The following COMMD1 variants were observed in gnomAD, a reference collection of about 807,000 sequenced individuals.
COMMD1 encodes the protein COMM domain-containing protein 1.
A neutral mutation model predicts 17.2 loss-of-function variants in COMMD1; 10 were observed. The observed-to-expected ratio is 0.58, with a 90% CI of 0.36 to 0.99. The LOEUF (loss-of-function observed/expected upper bound fraction) is 0.99. Among genes scored for constraint, COMMD1 ranks in the 50% least tolerant of loss-of-function variants. COMMD1 has a pLI of 0.01. For synonymous variants in COMMD1, 97 were observed against 91.6 expected, an observed-to-expected ratio of 1.06 and a Z score of -0.34; for missense variants, 270 against 231.8, an observed-to-expected ratio of 1.17 and a Z score of -1.07.
chr2:62,090,896 A>C (rs1671807259), intron 2 of COMMD1: 2 of 152,242 alleles, frequency 1.3e-5, no homozygotes, highest in African/African-American at 4.8e-5. Context: ...TAATAGTCCC[A>C]ATGCCTGCCA....
chr2:61,937,820 T>C (rs994788311), intron 1 of COMMD1, among the ~76,000 whole-genome samples: 7 of 147,452 alleles, frequency 4.7e-5, no homozygotes, highest in African/African-American at 1.9e-4. Context: ...CCCAGGAGGC[T>C]TTGTCACAAG....
At chr2:62,068,620 C>CTTTTT (rs67517468) in intron 2 of COMMD1, among the ~76,000 whole-genome samples, 3 of 89,240 alleles carry the variant, frequency 3.4e-5, no homozygotes, top group East Asian at 3.2e-4. Flanking sequence ...GTAGTATAAT[C>CTTTTT]TTTTTTTTTT....
chr2:61,977,058 G>A (rs994724269), intron 1 of COMMD1, among the ~76,000 whole-genome samples: 7 of 151,200 alleles, frequency 4.6e-5, no homozygotes, highest in African/African-American at 1.5e-4. Flanking sequence ...TCCTGACCTC[G>A]TGATCTGCCC....
At chr2:62,075,538 A>G (rs1231604173) in intron 2 of COMMD1, among the ~76,000 whole-genome samples, 1 of 152,234 alleles carries the variant, frequency 6.6e-6, no homozygotes, top group Non-Finnish European at 1.5e-5. Context: ...ATCTCTGGAT[A>G]TAATCATATG....
chr2:61,935,632 A>AG (rs1428314954), intron 1 of COMMD1, among the ~76,000 whole-genome samples: 1 of 123,528 alleles, frequency 8.1e-6, no homozygotes, highest in Admixed American at 8.0e-5. Context: ...ACTCTGTTTC[A>AG]AAAAAAAAAA....
chr2:61,889,375 T>C (rs912702968), intron 1 of COMMD1, among the ~76,000 whole-genome samples: 1 of 151,826 alleles, frequency 6.6e-6, no homozygotes, highest in Non-Finnish European at 1.5e-5. Context: ...CCTAGCGAAT[T>C]TTTGTATTCG....
upstream of COMMD1, chr2:61,888,484 C>G (rs767859743): frequency 6.2e-7 from 1 of 1,611,864 alleles, no homozygotes; most frequent in Admixed American, 1.7e-5. Context: ...TCGCCCCGCT[C>G]CGGGGTGCCA....
At chr2:62,107,565 C>G (rs746497453) in intron 2 of COMMD1, among the ~76,000 whole-genome samples, 12 of 152,210 alleles carry the variant, frequency 7.9e-5, no homozygotes, top group Non-Finnish European at 1.5e-4. Flanking sequence ...GATGATGAAC[C>G]TGACAAAATG....
intron 2 of COMMD1, among the ~76,000 whole-genome samples, chr2:62,032,499 G>A (rs1044596917): frequency 4.6e-5 from 7 of 152,118 alleles, no homozygotes; most frequent in South Asian, 2.1e-4. Context: ...TCATGCCACC[G>A]CACTCCAGCA....
chr2:61,914,929 A>G (rs1670011848), intron 1 of COMMD1, among the ~76,000 whole-genome samples: 1 of 151,106 alleles, frequency 6.6e-6, no homozygotes, highest in African/African-American at 2.4e-5. Flanking sequence ...GCCTCAAGTG[A>G]TCCACCCACC....
intron 2 of COMMD1, among the ~76,000 whole-genome samples, chr2:62,103,754 C>T (rs1023924834): frequency 1.3e-5 from 2 of 152,114 alleles, no homozygotes; most frequent in Non-Finnish European, 2.9e-5. Flanking sequence ...ATACATGTTT[C>T]CTGAAATCAG....
chr2:62,102,719 G>A (rs1672221003), intron 2 of COMMD1, among the ~76,000 whole-genome samples: 1 of 152,060 alleles, frequency 6.6e-6, no homozygotes, highest in Non-Finnish European at 1.5e-5. Context: ...AAACCTAAGA[G>A]TATTACTCTA....
chr2:61,908,054 G>C (rs1669815964), intron 1 of COMMD1, among the ~76,000 whole-genome samples: 1 of 152,094 alleles, frequency 6.6e-6, no homozygotes, highest in African/African-American at 2.4e-5. Flanking sequence ...AAGTGGCTCT[G>C]TGTTGTGGAG....
intron 1 of COMMD1, among the ~76,000 whole-genome samples, chr2:61,895,133 A>G (rs1669526678): frequency 6.6e-6 from 1 of 152,370 alleles, no homozygotes; most frequent in Middle Eastern, 3.4e-3. Flanking sequence ...AGGGTAACTT[A>G]TGGAATAAGA....
intron 1 of COMMD1, among the ~76,000 whole-genome samples, chr2:61,891,628 T>C (rs1370098717): frequency 6.6e-6 from 1 of 151,648 alleles, no homozygotes; most frequent in Non-Finnish European, 1.5e-5. Flanking sequence ...TTCGGGAGGC[T>C]GAGGCAGGAG....
At chr2:62,042,703 G>A (rs1427625692) in intron 2 of COMMD1, among the ~76,000 whole-genome samples, 1 of 152,252 alleles carries the variant, frequency 6.6e-6, no homozygotes, top group Non-Finnish European at 1.5e-5. Context: ...AGCGGATGCC[G>A]AGGCTGAGGA....
chr2:61,983,603 T>G (rs1396460165), intron 1 of COMMD1, among the ~76,000 whole-genome samples: 1 of 152,224 alleles, frequency 6.6e-6, no homozygotes, highest in African/African-American at 2.4e-5. Context: ...ATTTATCCAT[T>G]TCTTCTAGAT....
At chr2:62,118,364 C>T (rs191776884) in intron 2 of COMMD1, 18 of 152,218 alleles carry the variant, frequency 1.2e-4, no homozygotes, top group African/African-American at 2.9e-4. Context: ...GAACAAAGGC[C>T]CCAGCAACCC....
At chr2:61,983,453 G>C (rs1672013543) in intron 1 of COMMD1, among the ~76,000 whole-genome samples, 1 of 152,166 alleles carries the variant, frequency 6.6e-6, no homozygotes, top group African/African-American at 2.4e-5. Flanking sequence ...GCCTCCCAAA[G>C]TGCTAGGATT....
Sources: allele counts gnomAD v4.1 joint callset (sites outside exome capture counted in the v4.1 genomes callset), GRCh38; gene constraint gnomAD v4.1.1; transcripts MANE v1.5; gene names NCBI Gene and HGNC (gene_info 2026-07-23, HGNC 2026-07-21).